EPB41L2: variants seen among roughly 807,000 people sequenced by gnomAD.
The protein encoded by EPB41L2 is erythrocyte membrane protein band 4.1 like 2.
EPB41L2 carries 43 observed loss-of-function variants against 113.0 expected under a neutral mutation model. The observed-to-expected ratio is 0.38, with a 90% confidence interval of 0.30 to 0.49. The LOEUF (loss-of-function observed/expected upper bound fraction) is 0.49. Ranked by LOEUF, EPB41L2 falls within the 20% of genes least tolerant of loss-of-function variation. The probability of loss-of-function intolerance (pLI) is 0.95; values close to 1 mark genes in which losing one functional copy is unlikely to be tolerated. For synonymous variants in EPB41L2, 442 were observed against 436.7 expected (o/e 1.01, Z -0.15); for missense variants, 1,147 against 1,223.4 (o/e 0.94, Z 0.93).
At chr6:130,979,889 A>T (rs1202491263) in intron 1 of EPB41L2, among the ~76,000 whole-genome samples, 2 of 152,216 alleles carry the variant, frequency 1.3e-5, no homozygotes, top group Admixed American at 6.5e-5. Context: ...CTGCTCAGCC[A>T]ATCAATGGTA....
chr6:130,861,067 T>C (rs1781859158), intron 18 of EPB41L2, among the ~76,000 whole-genome samples: 1 of 152,062 alleles, frequency 6.6e-6, no homozygotes, highest in Non-Finnish European at 1.5e-5. Context: ...AGATGCCTTT[T>C]TTATTTTTAA....
rs143942446 is a variant in EPB41L2, at chr6:130,968,058, C to T, written c.-14-11559G>A. Reference sequence around the variant, plus strand: ...CACAACTATCTTATGCATAAAATGGCTCCTCAGCCCCATCATAAAACTCGT... The same window carrying T: ...CACAACTATCTTATGCATAAAATGGTTCCTCAGCCCCATCATAAAACTCGT... On this transcript the variant is annotated intron_variant, in intron 1 of 19. Coordinates refer to ENST00000337057, the MANE Select transcript of EPB41L2 (RefSeq NM_001431.4). 2.0e-5 allele frequency among the ~76,000 whole-genome samples: 3 copies of T among 152,262 alleles called. No individual in the cohort carries two copies. In the East Asian group the frequency reaches 5.8e-4, roughly 29 times the overall value.
At chr6:130,924,536 G>T (rs144287232) in intron 4 of EPB41L2, among the ~76,000 whole-genome samples, 2 of 152,014 alleles carry the variant, frequency 1.3e-5, no homozygotes, top group Admixed American at 1.3e-4. Flanking sequence ...ATGCCACCAT[G>T]CCCGACTAAT....
At chr6:131,024,366 G>A (rs1203676173) in intron 1 of EPB41L2, among the ~76,000 whole-genome samples, 3 of 152,118 alleles carry the variant, frequency 2.0e-5, no homozygotes, top group Non-Finnish European at 4.4e-5. Context: ...AAAGAGGTGT[G>A]TTCAGTATAA....
At chr6:130,900,400 T>G (rs1217642515) in intron 7 of EPB41L2, among the ~76,000 whole-genome samples, 2 of 152,252 alleles carry the variant, frequency 1.3e-5, no homozygotes, top group Non-Finnish European at 2.9e-5. Context: ...AAAGTCCATT[T>G]TCTTTTCACA....
At chr6:130,985,165 C>A (rs1780240103) in intron 1 of EPB41L2, among the ~76,000 whole-genome samples, 1 of 152,156 alleles carries the variant, frequency 6.6e-6, no homozygotes, top group South Asian at 2.1e-4. Context: ...TTCCTGTTTG[C>A]CCACCCTTTC....
intron 5 of EPB41L2, among the ~76,000 whole-genome samples, chr6:130,905,177 G>C (rs1476399678): frequency 6.6e-6 from 1 of 152,078 alleles, no homozygotes; most frequent in Non-Finnish European, 1.5e-5. Context: ...GAATGAATAA[G>C]TCAAGCAACC....
At chr6:130,954,040 CTTTTTTTTTTTTTT>C (rs780758511) in intron 3 of EPB41L2, among the ~76,000 whole-genome samples, 103 of 58,870 alleles carry the variant, frequency 1.7e-3, no homozygotes, top group African/African-American at 4.7e-3. Context: ...CCTTTTCTTT[CTTTTTTTTTTTTTT>C]TTTTTTTTTT....
At chr6:130,891,599 T>G (rs1792906166) in intron 10 of EPB41L2, among the ~76,000 whole-genome samples, 1 of 152,032 alleles carries the variant, frequency 6.6e-6, no homozygotes, top group African/African-American at 2.4e-5. Context: ...CAAAGGTACA[T>G]GCCACCATGC....
At chr6:130,850,709 G>GA (rs908771266) in intron 19 of EPB41L2, among the ~76,000 whole-genome samples, 24 of 151,908 alleles carry the variant, frequency 1.6e-4, no homozygotes, top group African/African-American at 5.3e-4. Flanking sequence ...TTTATTACCA[G>GA]AAAAAAACAA....
At chr6:131,023,746 TCTATATATAGATATATAG>T (rs1562753780) in intron 1 of EPB41L2, among the ~76,000 whole-genome samples, 1 of 98,776 alleles carries the variant, frequency 1.0e-5, no homozygotes, top group Non-Finnish European at 2.3e-5. Flanking sequence ...TATCTATATA[TCTATATATAGATATATAG>T]ATATATAGAT....
intron 1 of EPB41L2, among the ~76,000 whole-genome samples, chr6:131,058,596 C>T (rs1798050754): frequency 6.6e-6 from 1 of 152,168 alleles, no homozygotes; most frequent in South Asian, 2.1e-4. Flanking sequence ...ATTAATTCAT[C>T]AAATATTTAT....
At chr6:131,023,714 C>CGTGTGT (rs57842026) in intron 1 of EPB41L2, among the ~76,000 whole-genome samples, 4 of 142,118 alleles carry the variant, frequency 2.8e-5, no homozygotes, top group Admixed American at 7.1e-5. Flanking sequence ...AAAATGTGTG[C>CGTGTGT]GTGTGTGTGT....
intron 1 of EPB41L2, among the ~76,000 whole-genome samples, chr6:130,969,086 C>T (rs1277693687): frequency 6.6e-6 from 1 of 152,106 alleles, no homozygotes; most frequent in Non-Finnish European, 1.5e-5. Context: ...ATCATCCGTA[C>T]AGGAACACTA....
chr6:131,052,910 T>G lies in EPB41L2; in HGVS notation c.-15+10245A>C, dbSNP rs1008483350. ...TCTACACACAAAAATATAAATTTTT[T>G]TTTTTGAGGAGTTTCGCTCTTGTTG... On this transcript the variant is annotated intron_variant, in intron 1 of 19. Coordinates refer to ENST00000337057, the MANE Select transcript of EPB41L2 (RefSeq NM_001431.4). Among the ~76,000 whole-genome samples, 6 of 152,128 alleles carry G rather than the reference T, an allele frequency of 3.9e-5. No homozygotes were observed. In the South Asian group the frequency reaches 1.2e-3, roughly 32 times the overall value.
chr6:130,866,974 T>TTGTGTG (rs138332627), intron 16 of EPB41L2, among the ~76,000 whole-genome samples: 3 of 150,064 alleles, frequency 2.0e-5, no homozygotes, highest in East Asian at 3.9e-4. Flanking sequence ...CTGTGTGTGT[T>TTGTGTG]TGTGTGTGTG....
At chr6:130,951,268 G>A (rs1481873191) in intron 3 of EPB41L2, among the ~76,000 whole-genome samples, 1 of 143,886 alleles carries the variant, frequency 6.9e-6, no homozygotes, top group African/African-American at 2.6e-5. Context: ...AAAAAGGAGG[G>A]GGAGGGGGGG....
intron 19 of EPB41L2, among the ~76,000 whole-genome samples, chr6:130,852,317 C>T (rs1163844778): frequency 6.6e-6 from 1 of 152,176 alleles, no homozygotes; most frequent in African/African-American, 2.4e-5. Context: ...GCAGACGATC[C>T]AGAAAACTTC....
intron 1 of EPB41L2, among the ~76,000 whole-genome samples, chr6:131,061,819 AC>A (rs1389228851): frequency 1.3e-5 from 2 of 151,628 alleles, no homozygotes; most frequent in African/African-American, 2.4e-5. Flanking sequence ...AACAATAAAA[AC>A]GTAGGGTGGG....
Sources: gnomAD v4.1 joint callset for allele counts (sites outside exome capture counted in the v4.1 genomes callset) on GRCh38, gnomAD v4.1.1 for gene constraint, MANE v1.5 for transcripts, NCBI Gene and HGNC (gene_info 2026-07-23, HGNC 2026-07-21) for gene names.